FHL2: variants seen among roughly 807,000 people sequenced by gnomAD.
The protein encoded by FHL2 is four and a half LIM domains protein 2.
A neutral mutation model predicts 32.7 loss-of-function variants in FHL2; 20 were observed. The observed-to-expected ratio is 0.61, with a 90% confidence interval of 0.43 to 0.89. FHL2 has a LOEUF of 0.89. FHL2 is among the 40% of genes least tolerant of loss of function. The pLI is 0.00. For synonymous variants in FHL2, 123 were observed against 128.1 expected, an observed-to-expected ratio of 0.96 and a Z score of 0.27; for missense variants, 311 against 358.6, an observed-to-expected ratio of 0.87 and a Z score of 1.07.
At chr2:105,377,462 C>G (rs1681552859) in intron 3 of FHL2, among the ~76,000 whole-genome samples, 1 of 152,100 alleles carries the variant, frequency 6.6e-6, no homozygotes, top group Non-Finnish European at 1.5e-5. Flanking sequence ...TAAACCCCAT[C>G]TCTACTAAAA....
At chr2:105,398,757 C>A in intron 1 of FHL2, 85 bp downstream of exon 1, 2 of 1,171,306 alleles carry the variant, frequency 1.7e-6, no homozygotes, top group South Asian at 2.2e-5. Context: ...CACAGCTCAA[C>A]TCCTTTCTCC....
intron 1 of FHL2, among the ~76,000 whole-genome samples, chr2:105,417,790 G>T (rs917082218): frequency 6.6e-6 from 1 of 152,124 alleles, no homozygotes; most frequent in Middle Eastern, 3.4e-3. Context: ...GTTTTGTCAA[G>T]GTCATTCTGG....
intron 1 of FHL2, among the ~76,000 whole-genome samples, chr2:105,430,529 G>A (rs1573411171): frequency 6.6e-6 from 1 of 152,264 alleles, no homozygotes; most frequent in East Asian, 1.9e-4. Context: ...TTAGCTGGGT[G>A]TGGTGGTGGG....
Position 105,361,250 on chromosome 2 carries a change from G to C in FHL2, c.*33C>G, listed in dbSNP as rs757735612. On this transcript the variant is annotated 3_prime_UTR_variant, in exon 7 of 7. Transcript: ENST00000530340. ...AAAGAAAACATAAAAATCTGTGTGT[G>C]AGATCACAAGCAGCAACTTCTCTGT... is the stretch of plus-strand genomic sequence containing the variant. 2.5e-6 allele frequency: 4 copies of C among 1,594,296 alleles called. No homozygotes were observed. The South Asian group carries it at 4.5e-5, about 18-fold the overall frequency.
intron 2 of FHL2, among the ~76,000 whole-genome samples, chr2:105,392,812 CTTTTTTTTTTTTTT>C (rs34774107): frequency 7.6e-5 from 5 of 65,972 alleles, no homozygotes; most frequent in African/African-American, 2.5e-4. Context: ...TGCCAGGAAG[CTTTTTTTTTTTTTT>C]TTTTTTTTTT....
At chr2:105,393,201 A>G (rs1682859473) in intron 2 of FHL2, among the ~76,000 whole-genome samples, 1 of 151,974 alleles carries the variant, frequency 6.6e-6, no homozygotes, top group Non-Finnish European at 1.5e-5. Context: ...TCTGACCCCA[A>G]TGGGCCCATT....
At chr2:105,420,289 C>T (rs1364624115) in intron 1 of FHL2, among the ~76,000 whole-genome samples, 1 of 152,110 alleles carries the variant, frequency 6.6e-6, no homozygotes, top group Non-Finnish European at 1.5e-5. Flanking sequence ...GACTCACTTC[C>T]CTGATCTCTG....
intron 1 of FHL2, among the ~76,000 whole-genome samples, chr2:105,431,883 G>A (rs1684445280): frequency 6.6e-6 from 1 of 152,220 alleles, no homozygotes; most frequent in African/African-American, 2.4e-5. Flanking sequence ...AAAAGTAGAA[G>A]CAGCTCAGGG....
chr2:105,427,089 A>C (rs1209146340), intron 1 of FHL2, among the ~76,000 whole-genome samples: 6 of 152,208 alleles, frequency 3.9e-5, no homozygotes, highest in Admixed American at 6.5e-5. Flanking sequence ...GTAAGAATCC[A>C]GGCGAAAGGA....
chr2:105,411,545 T>G (rs992692862), intron 1 of FHL2, among the ~76,000 whole-genome samples: 5 of 142,930 alleles, frequency 3.5e-5, no homozygotes, highest in East Asian at 4.0e-4. Flanking sequence ...AGGGTTTTTT[T>G]TTTTTTTTTT....
intron 6 of FHL2, among the ~76,000 whole-genome samples, chr2:105,361,675 A>G (rs541322868): frequency 6.6e-6 from 1 of 152,342 alleles, no homozygotes; most frequent in South Asian, 2.1e-4. Flanking sequence ...GATAAGTGCG[A>G]TCAAAGAATG....
chr2:105,367,380 A>C, intron 5 of FHL2, among the ~76,000 whole-genome samples, 190 bp downstream of exon 5: 1 of 152,228 alleles, frequency 6.6e-6, no homozygotes, highest in South Asian at 2.1e-4. Context: ...AACAATGTTG[A>C]TGTCTTTGAA....
intron 1 of FHL2, 23 bp downstream of exon 1, chr2:105,398,819 C>A: frequency 7.1e-7 from 1 of 1,408,594 alleles, no homozygotes; most frequent in East Asian, 2.8e-5. Flanking sequence ...CTTCCCGGAC[C>A]CACAGCTCTG....
intron 1 of FHL2, among the ~76,000 whole-genome samples, chr2:105,410,312 A>C (rs1456349921): frequency 1.3e-5 from 2 of 152,210 alleles, no homozygotes; most frequent in Non-Finnish European, 2.9e-5. Flanking sequence ...CCTCACTTGC[A>C]CACCAGCTTT....
At chr2:105,367,523 G>A (rs917695916) in intron 5 of FHL2, 47 bp downstream of exon 5, 2 of 1,557,206 alleles carry the variant, frequency 1.3e-6, no homozygotes, top group Non-Finnish European at 1.7e-6. Context: ...GGACCATGGA[G>A]GCAAACCAGC....
At chr2:105,377,943 CAA>C in intron 3 of FHL2, 1 of 420,964 alleles carries the variant, frequency 2.4e-6, no homozygotes, top group South Asian at 1.9e-5. Flanking sequence ...TTATCAGTGA[CAA>C]GAGAGGGAAG....
At chr2:105,370,210 C>CCT (rs1448002018) in intron 4 of FHL2, among the ~76,000 whole-genome samples, 2 of 151,642 alleles carry the variant, frequency 1.3e-5, no homozygotes, top group African/African-American at 4.8e-5. Context: ...CTGTCTCTAC[C>CCT]CCCCCAAAAA....
intron 6 of FHL2, 30 bp from the exon 7 acceptor site, chr2:105,361,464 G>A (rs767041110): frequency 6.3e-7 from 1 of 1,598,682 alleles, no homozygotes; most frequent in South Asian, 1.1e-5. Flanking sequence ...AATACCGGAT[G>A]AAGAAAGTTA....
At chr2:105,399,487 C>T (rs1683381566), upstream of FHL2, 1 of 1,536,012 alleles carries the variant, frequency 6.5e-7, no homozygotes, top group African/African-American at 1.4e-5. Flanking sequence ...GCAAGGTGGA[C>T]GTTTTTCCTT....
Sources: allele counts gnomAD v4.1 joint callset (sites outside exome capture counted in the v4.1 genomes callset), GRCh38; gene constraint gnomAD v4.1.1; transcripts MANE v1.5; gene names NCBI Gene and HGNC (gene_info 2026-07-23, HGNC 2026-07-21).